TENM4: variants seen among roughly 807,000 people sequenced by gnomAD.
TENM4 encodes the protein teneurin transmembrane protein 4.
Under a neutral mutation model 243.3 loss-of-function variants are expected in TENM4, and 82 were observed. The observed-to-expected ratio is 0.34, with a 90% CI of 0.28 to 0.40. TENM4 has a LOEUF of 0.40. Ranked by LOEUF, TENM4 falls within the 10% of genes least tolerant of loss-of-function variation. TENM4 has a pLI of 1.00. For synonymous variants in TENM4, 1,412 were observed against 1,456.3 expected, an observed-to-expected ratio of 0.97 and a Z score of 0.69; for missense variants, 3,138 against 3,673.3, an observed-to-expected ratio of 0.85 and a Z score of 3.77.
chr11:79,251,004 A>G (rs1565268869), intron 2 of TENM4, among the ~76,000 whole-genome samples: 1 of 152,334 alleles, frequency 6.6e-6, no homozygotes, highest in Non-Finnish European at 1.5e-5. Context: ...CCAAAACTAT[A>G]TAGAAATGTG....
intron 9 of TENM4, among the ~76,000 whole-genome samples, chr11:78,885,988 C>T (rs943029978): frequency 2.6e-5 from 4 of 152,174 alleles, no homozygotes; most frequent in Non-Finnish European, 5.9e-5. Context: ...ACCAACCAGA[C>T]GTGACAGCCC....
chr11:79,329,944 G>A (rs925190819), intron 1 of TENM4, among the ~76,000 whole-genome samples: 14 of 152,160 alleles, frequency 9.2e-5, no homozygotes, highest in East Asian at 1.9e-4. Context: ...AAGGGTGAGC[G>A]GCAAGGCTGA....
chr11:78,927,302 A>G (rs2136408192), intron 6 of TENM4, among the ~76,000 whole-genome samples: 1 of 152,366 alleles, frequency 6.6e-6, no homozygotes, highest in Admixed American at 6.5e-5. Context: ...TTTTCAAAGA[A>G]AAGGACCAAT....
intron 4 of TENM4, among the ~76,000 whole-genome samples, chr11:79,083,298 T>C (rs1860724520): frequency 6.6e-6 from 1 of 152,186 alleles, no homozygotes; most frequent in Non-Finnish European, 1.5e-5. Flanking sequence ...ATTCTGTCCC[T>C]AGACAAGATA....
chr11:79,357,215 T>C (rs1590906179), intron 1 of TENM4, among the ~76,000 whole-genome samples: 1 of 152,354 alleles, frequency 6.6e-6, no homozygotes, highest in Non-Finnish European at 1.5e-5. Context: ...GTCTGAGGAC[T>C]GGAGACTTAC....
intron 12 of TENM4, among the ~76,000 whole-genome samples, chr11:78,840,892 T>A (rs942166233): frequency 6.6e-6 from 1 of 152,172 alleles, no homozygotes; most frequent in Non-Finnish European, 1.5e-5. Context: ...ACTGGGCAAG[T>A]TTGTTAATTT....
chr11:79,066,742 GCACA>G (rs1860268807), intron 5 of TENM4, among the ~76,000 whole-genome samples: 1 of 146,662 alleles, frequency 6.8e-6, no homozygotes, highest in East Asian at 2.0e-4. Flanking sequence ...GCACGCACAT[GCACA>G]CACGCACGCA....
intron 1 of TENM4, among the ~76,000 whole-genome samples, chr11:79,365,442 A>G (rs1288283998): frequency 1.3e-5 from 2 of 152,176 alleles, no homozygotes; most frequent in Non-Finnish European, 2.9e-5. Context: ...AGATTTTTAA[A>G]ATAACCAAGT....
Position 79,298,861 on chromosome 11 carries a change from T to G in TENM4, c.-320-1318A>C, listed in dbSNP as rs74341295. 3.8e-3 allele frequency among the ~76,000 whole-genome samples: 574 copies of G among 152,310 alleles called. 6 individuals carry two copies. Among genetic ancestry groups the G allele is most frequent in the African/African-American group, 0.013 (552 of 41,582 alleles). On this transcript the variant is annotated intron_variant, in intron 1 of 33. Coordinates refer to ENST00000278550, the MANE Select transcript of TENM4 (RefSeq NM_001098816.3). ...TCATTTACTAATTTTTCCAAATCAATTCATATTTTTTCTTAACTATATTTT... is the reference window on the plus strand; with the variant it reads ...TCATTTACTAATTTTTCCAAATCAAGTCATATTTTTTCTTAACTATATTTT...
chr11:78,967,637 G>A (rs681267), intron 6 of TENM4, among the ~76,000 whole-genome samples: 44,889 of 152,110 alleles, frequency 0.3, 7,452 homozygotes, highest in Non-Finnish European at 0.38. Flanking sequence ...GTATGTTCAC[G>A]TGGGCAAATA....
Position 78,949,166 on chromosome 11 carries a change from A to G in TENM4, c.494-45643T>C, listed in dbSNP as rs1857066179. Among the ~76,000 whole-genome samples, 3 of 152,286 alleles carry G rather than the reference A, an allele frequency of 2.0e-5. No homozygotes were observed. The South Asian group carries it at 6.2e-4, about 32-fold the overall frequency. On this transcript the variant is annotated intron_variant, in intron 6 of 33. Transcript: ENST00000278550. The stretch of plus-strand genomic sequence containing the variant: ...ATCCTCCTCTGGTTTTAGCCTCCAC[A>G]TTCTGAAAATGCCCTTACCAAAGTC...
chr11:78,958,980 G>T (rs181427100), intron 6 of TENM4, among the ~76,000 whole-genome samples: 2 of 152,314 alleles, frequency 1.3e-5, no homozygotes, highest in East Asian at 3.9e-4. Context: ...AACCTTGGAA[G>T]GTTTTCTCCC....
chr11:79,025,904 G>T (rs911073417), intron 6 of TENM4, among the ~76,000 whole-genome samples: 18 of 152,202 alleles, frequency 1.2e-4, no homozygotes, highest in Admixed American at 5.2e-4. Context: ...CGGGACACAT[G>T]CACTCTGCTT....
In TENM4 at chr11:78,672,435, G is replaced by A. The variant is rs574281508; in HGVS notation, c.5497-106C>T. 174 of 1,226,004 alleles carry A rather than the reference G, an allele frequency of 1.4e-4. 1 individual carries two copies. The highest frequency in any genetic ancestry group is 1.8e-4 in the Non-Finnish European group (160 of 874,034). The allele number at this position is 1,226,004 out of a possible 1,614,324, so 75.9% of individuals were successfully genotyped here. ...TCTGCTGGGAAGCTCTTGAGTAGAG[G>A]AGGGAGCACAGTCCTGCGCAGCAAC... On this transcript the variant is annotated intron_variant, in intron 30 of 33. Coordinates refer to ENST00000278550, the MANE Select transcript of TENM4 (RefSeq NM_001098816.3).
intron 1 of TENM4, among the ~76,000 whole-genome samples, chr11:79,334,921 G>A (rs1345005190): frequency 6.6e-6 from 1 of 152,156 alleles, no homozygotes; most frequent in African/African-American, 2.4e-5. Context: ...TTTCTTTCTT[G>A]CCTTTGGGGT....
At chr11:78,710,119 G>A (rs1475075167) in intron 26 of TENM4, among the ~76,000 whole-genome samples, 2 of 152,182 alleles carry the variant, frequency 1.3e-5, no homozygotes, top group Admixed American at 6.5e-5. Context: ...AGAAGGGTCA[G>A]GAAGCCTTCA....
intron 32 of TENM4, among the ~76,000 whole-genome samples, chr11:78,666,383 T>A (rs1352217569): frequency 1.3e-5 from 2 of 152,202 alleles, no homozygotes; most frequent in African/African-American, 2.4e-5. Flanking sequence ...TTTATTGCAA[T>A]GTAAAATCTT....
Position 79,069,794 on chromosome 11 carries a change from C to T in TENM4, c.151G>A (p.Asp51Asn). The change falls in exon 5 of 34, where the codon GAC becomes AAC. Residue 51 changes from aspartate to asparagine, a missense_variant. By Grantham distance (23) the Asp-to-Asn change is conservative. Coordinates refer to ENST00000278550, the MANE Select transcript of TENM4 (RefSeq NM_001098816.3). ...CGGCTGCCATAGGCTAGGCGGGCGT[C>T]CTGGTCGTAGGCCTTCAGGGTCTCG... is the stretch of plus-strand genomic sequence containing the variant. The part of the protein sequence containing the change: ...SSETLKAYDQ[D>N]ARLAYGSRVK... 2 of 1,551,290 alleles carry T rather than the reference C, an allele frequency of 1.3e-6. No individual in the cohort carries two copies. The highest frequency in any genetic ancestry group is 1.7e-6 in the Non-Finnish European group (2 of 1,146,904).
intron 3 of TENM4, 58 bp from the exon 4 acceptor site, chr11:79,148,864 A>T (rs1419880584): frequency 2.5e-5 from 15 of 611,198 alleles, no homozygotes; most frequent in African/African-American, 1.4e-4. Flanking sequence ...TGTTCTGATA[A>T]GCAGTAGAGA....
Sources: allele counts gnomAD v4.1 joint callset (sites outside exome capture counted in the v4.1 genomes callset), GRCh38; gene constraint gnomAD v4.1.1; transcripts MANE v1.5; gene names NCBI Gene and HGNC (gene_info 2026-07-23, HGNC 2026-07-21).